ADCY1: variants seen among roughly 807,000 people sequenced by gnomAD.
ADCY1 encodes the protein adenylate cyclase type 1.
In ADCY1, 28 loss-of-function variants were observed where a neutral mutation model predicts 105.4. The ratio of observed to expected loss-of-function variants is 0.27; its 90% CI spans 0.20 to 0.36. The LOEUF (loss-of-function observed/expected upper bound fraction) is 0.36. Ranked by LOEUF, ADCY1 falls within the 10% of genes least tolerant of loss-of-function variation. ADCY1 has a pLI of 1.00. For synonymous variants in ADCY1, 655 were observed against 623.8 expected (o/e 1.05, Z -0.75); for missense variants, 977 against 1,434.2 (o/e 0.68, Z 5.15).
intron 8 of ADCY1, among the ~76,000 whole-genome samples, chr7:45,666,731 T>A (rs1458654043): frequency 6.6e-6 from 1 of 152,238 alleles, no homozygotes; most frequent in Non-Finnish European, 1.5e-5. Flanking sequence ...TGAACCAGTT[T>A]ACAGTCCCAC....
chr7:45,699,362 G>C (rs574128963), intron 14 of ADCY1, among the ~76,000 whole-genome samples: 1 of 152,276 alleles, frequency 6.6e-6, no homozygotes, highest in Admixed American at 6.5e-5. Context: ...GTTTGAGGTT[G>C]GGTGAAGCTG....
intron 1 of ADCY1, among the ~76,000 whole-genome samples, chr7:45,583,594 G>A (rs1393034344): frequency 6.6e-6 from 1 of 152,190 alleles, no homozygotes; most frequent in Non-Finnish European, 1.5e-5. Context: ...GATGCATGGT[G>A]CTTGGCTGGC....
chr7:45,621,483 T>G (rs1285813195), intron 3 of ADCY1, among the ~76,000 whole-genome samples: 1 of 152,210 alleles, frequency 6.6e-6, no homozygotes, highest in Non-Finnish European at 1.5e-5. Context: ...ACTTAAAAAT[T>G]ATTATAAATG....
At chr7:45,624,954 T>C (rs1794009230) in intron 4 of ADCY1, among the ~76,000 whole-genome samples, 1 of 152,210 alleles carries the variant, frequency 6.6e-6, no homozygotes, top group Admixed American at 6.5e-5. Flanking sequence ...CCACGTTGGG[T>C]CAGCCCAGGC....
chr7:45,642,356 A>G (rs529224506), intron 4 of ADCY1, among the ~76,000 whole-genome samples: 123 of 152,272 alleles, frequency 8.1e-4, no homozygotes, highest in African/African-American at 2.7e-3. Flanking sequence ...GGTAGGTGAG[A>G]ATTAGATTAG....
chr7:45,706,242 A>C (rs1785114485), intron 17 of ADCY1, among the ~76,000 whole-genome samples: 1 of 152,198 alleles, frequency 6.6e-6, no homozygotes, highest in Non-Finnish European at 1.5e-5. Context: ...AGTCAACACA[A>C]TATTGAAGCA....
chr7:45,629,080 C>T lies in ADCY1; in HGVS notation c.1020+6337C>T, dbSNP rs963130506. Among the ~76,000 whole-genome samples, 109 of 152,340 alleles carry T rather than the reference C, an allele frequency of 7.2e-4. 1 individual carries two copies. Among genetic ancestry groups the T allele is most frequent in the African/African-American group, 2.0e-3 (84 of 41,576 alleles). ...ATCTTCCAGTGTTTCCTAGACCCTT[C>T]GCAATCCCTGTCTCCTCCCACTTCT... is the stretch of plus-strand genomic sequence containing the variant. On this transcript the variant is annotated intron_variant, in intron 4 of 19. Coordinates refer to ENST00000297323, the MANE Select transcript of ADCY1 (RefSeq NM_021116.4).
At chr7:45,627,503 G>A (rs978390900) in intron 4 of ADCY1, among the ~76,000 whole-genome samples, 1 of 152,212 alleles carries the variant, frequency 6.6e-6, no homozygotes, top group African/African-American at 2.4e-5. Flanking sequence ...ATGGAGCCTG[G>A]CACACAATGG....
At chr7:45,660,813 T>G (rs1484480747) in intron 7 of ADCY1, among the ~76,000 whole-genome samples, 1 of 136,406 alleles carries the variant, frequency 7.3e-6, no homozygotes, top group Non-Finnish European at 1.5e-5. Flanking sequence ...GGTGAGGGAT[T>G]CAGGGCTCAG....
chr7:45,690,991 C>G (rs886092169), intron 14 of ADCY1, among the ~76,000 whole-genome samples: 2 of 152,166 alleles, frequency 1.3e-5, no homozygotes, highest in African/African-American at 4.8e-5. Flanking sequence ...TACTAGGGTG[C>G]CTGGTTGGTT....
chr7:45,678,278 C>T lies in ADCY1; in HGVS notation c.1898+15C>T. On this transcript the variant is annotated intron_variant, in intron 10 of 19. Coordinates refer to ENST00000297323, the MANE Select transcript of ADCY1 (RefSeq NM_021116.4). The stretch of plus-strand genomic sequence containing the variant: ...ATATTCCCACAGTGAGTATTTCTAT[C>T]AACGAGGTGAGGAACTCACCAAGAA... The T allele has an allele frequency of 6.2e-7, 1 of 1,608,258 alleles. No individual in the cohort carries two copies. The highest frequency in any genetic ancestry group is 8.5e-7 in the Non-Finnish European group (1 of 1,174,630).
intron 4 of ADCY1, among the ~76,000 whole-genome samples, chr7:45,643,036 C>G (rs1562703185): frequency 2.6e-5 from 4 of 151,430 alleles, no homozygotes; most frequent in African/African-American, 9.7e-5. Flanking sequence ...TGATCGATTG[C>G]CGTCTTTTTT....
chr7:45,638,766 TGGTCTCCATA>T lies in ADCY1; in HGVS notation c.1021-9901_1021-9892del, dbSNP rs537013446. Among the ~76,000 whole-genome samples the T allele has an allele frequency of 1.8e-4, 28 of 152,240 alleles. No homozygotes were observed. The East Asian group carries it at 5.4e-3, about 29-fold the overall frequency. ...AATGGAGCATGTCTTTTAAATGCTT[TGGTCTCCATA>T]GGGGCATTATATGCAGGAAAGAGCT... On this transcript the variant is annotated intron_variant, in intron 4 of 19. Coordinates refer to ENST00000297323, the MANE Select transcript of ADCY1 (RefSeq NM_021116.4).
At chr7:45,601,324 T>TG (rs1793230508) in intron 2 of ADCY1, among the ~76,000 whole-genome samples, 1 of 152,170 alleles carries the variant, frequency 6.6e-6, no homozygotes, top group South Asian at 2.1e-4. Context: ...CTGGCTCTGA[T>TG]GGACTGTGGC....
chr7:45,594,092 T>C (rs1364593019), intron 2 of ADCY1, among the ~76,000 whole-genome samples: 1 of 152,214 alleles, frequency 6.6e-6, no homozygotes, highest in Non-Finnish European at 1.5e-5. Context: ...TATGTGCCTA[T>C]CTGTACGTCT....
chr7:45,694,988 G>A (rs1784852575), intron 14 of ADCY1, among the ~76,000 whole-genome samples: 2 of 152,214 alleles, frequency 1.3e-5, no homozygotes, highest in Admixed American at 1.3e-4. Flanking sequence ...CCAGAACACT[G>A]TGTCCTCTCT....
chr7:45,617,022 G>A (rs974688706), intron 3 of ADCY1, among the ~76,000 whole-genome samples: 4 of 152,236 alleles, frequency 2.6e-5, no homozygotes, highest in African/African-American at 9.6e-5. Flanking sequence ...CTGGGAGGCT[G>A]TAAGCAGGAA....
In ADCY1 at chr7:45,708,293, T is replaced by G. The variant is rs1406593402; in HGVS notation, c.2818-57T>G. 1 of 1,327,328 alleles carries G rather than the reference T, an allele frequency of 7.5e-7. No individual in the cohort carries two copies. Among genetic ancestry groups the G allele is most frequent in the Non-Finnish European group, 1.1e-6 (1 of 925,376 alleles). 82.2% of individuals were successfully genotyped at this position (1,327,328 alleles called of 1,614,324 possible). ...CTGTTGGGCACTGCAGGTTGGTCCC[T>G]GGCCCCCTCTTGCCTTGCACTCCCC... On this transcript the variant is annotated intron_variant, in intron 17 of 19. Coordinates refer to ENST00000297323, the MANE Select transcript of ADCY1 (RefSeq NM_021116.4). This position sits in a 1 kb window ranked among gnomAD's most constrained non-coding sequence, Gnocchi z 4.7.
chr7:45,615,440 A>G (rs1793712492), intron 3 of ADCY1, among the ~76,000 whole-genome samples: 1 of 152,094 alleles, frequency 6.6e-6, no homozygotes, highest in Non-Finnish European at 1.5e-5. Flanking sequence ...TCTAAAAGAA[A>G]ATTTTTAAGT....
Sources: allele counts gnomAD v4.1 joint callset (sites outside exome capture counted in the v4.1 genomes callset), GRCh38; gene constraint gnomAD v4.1.1; non-coding constraint Gnocchi (gnomAD v3.1); transcripts MANE v1.5; gene names NCBI Gene and HGNC (gene_info 2026-07-23, HGNC 2026-07-21).